CNTN4: variants seen among roughly 807,000 people sequenced by gnomAD.
CNTN4 encodes contactin 4, also known as contactin-4.
Under a neutral mutation model 122.5 loss-of-function variants are expected in CNTN4, and 77 were observed. The observed-to-expected ratio is 0.63, with a 90% CI of 0.52 to 0.76. The LOEUF (loss-of-function observed/expected upper bound fraction) is 0.76, where lower values mean the gene tolerates loss of function less well. Among genes scored for constraint, CNTN4 ranks in the 30% least tolerant of loss-of-function variants. The probability of loss-of-function intolerance (pLI) is 0.00; values close to 1 mark genes in which losing one functional copy is unlikely to be tolerated. For synonymous variants in CNTN4, 512 were observed against 447.0 expected (o/e 1.15, Z -1.83); for missense variants, 1,256 against 1,259.1 (o/e 1.00, Z 0.04).
intron 4 of CNTN4, among the ~76,000 whole-genome samples, chr3:2,704,902 C>G (rs73112600): frequency 0.047 from 7,210 of 152,164 alleles, 449 homozygotes; most frequent in African/African-American, 0.14. Flanking sequence ...ACCATCTCAA[C>G]TTACAGTCTA....
At chr3:2,598,693 A>T (rs986221866) in intron 4 of CNTN4, among the ~76,000 whole-genome samples, 4 of 152,216 alleles carry the variant, frequency 2.6e-5, no homozygotes, top group Non-Finnish European at 5.9e-5. Flanking sequence ...AGAAAGTAAA[A>T]GCAACAAAAT....
chr3:2,882,854 C>CT (rs988493065), intron 8 of CNTN4: 5 of 339,816 alleles, frequency 1.5e-5, no homozygotes, highest in Non-Finnish European at 2.8e-5. Flanking sequence ...TCCCCTTCTC[C>CT]TTTTTTTCCT....
chr3:2,845,248 A>G (rs778729619), intron 7 of CNTN4, among the ~76,000 whole-genome samples: 1 of 152,092 alleles, frequency 6.6e-6, no homozygotes, highest in Non-Finnish European at 1.5e-5. Flanking sequence ...TCTTGTCACA[A>G]CTCTTTTGTA....
chr3:2,921,327 A>T (rs2094428188), intron 12 of CNTN4, among the ~76,000 whole-genome samples: 1 of 152,206 alleles, frequency 6.6e-6, no homozygotes, highest in South Asian at 2.1e-4. Context: ...GTGAGCCAAC[A>T]CACCTGACCT....
rs1051410171 is a variant in CNTN4 at position 2,311,215 on chromosome 3, G to T, written c.-144-27963G>T. Among the ~76,000 whole-genome samples, 9 of 152,076 alleles carry T rather than the reference G, an allele frequency of 5.9e-5. 1 individual carries two copies. Among genetic ancestry groups the T allele is most frequent in the African/African-American group, 2.2e-4 (9 of 41,422 alleles). Reference sequence around the variant, plus strand: ...CTGTCCTGCCTAGCAGTAGTAGCAAGAATGAGTCATAGTCTCTTCAGAAAG... The same window carrying T: ...CTGTCCTGCCTAGCAGTAGTAGCAATAATGAGTCATAGTCTCTTCAGAAAG... On this transcript the variant is annotated intron_variant, in intron 2 of 24. Coordinates refer to ENST00000418658, the MANE Select transcript of CNTN4 (RefSeq NM_175607.3).
At chr3:2,165,134 C>T (rs1214058818) in intron 2 of CNTN4, among the ~76,000 whole-genome samples, 1 of 151,956 alleles carries the variant, frequency 6.6e-6, no homozygotes, top group South Asian at 2.1e-4. Flanking sequence ...ACCAGCCTGG[C>T]CAACATGGTG....
chr3:3,032,162 C>A (rs1699220927), intron 16 of CNTN4, among the ~76,000 whole-genome samples: 1 of 152,144 alleles, frequency 6.6e-6, no homozygotes, highest in Non-Finnish European at 1.5e-5. Context: ...AAAAAACTTT[C>A]AACCGAGGTA....
intron 3 of CNTN4, among the ~76,000 whole-genome samples, chr3:2,562,282 G>A (rs558664556): frequency 1.3e-5 from 2 of 152,112 alleles, no homozygotes; most frequent in South Asian, 2.1e-4. Context: ...TGTTACATAG[G>A]TATATTGTGT....
chr3:2,853,582 GA>G (rs1161669373), intron 7 of CNTN4, among the ~76,000 whole-genome samples: 1 of 152,004 alleles, frequency 6.6e-6, no homozygotes, highest in African/African-American at 2.4e-5. Flanking sequence ...TACCTGAATA[GA>G]ATATTTCTTC....
At chr3:2,964,118 A>G (rs1170742975) in intron 13 of CNTN4, among the ~76,000 whole-genome samples, 1 of 152,182 alleles carries the variant, frequency 6.6e-6, no homozygotes, top group Non-Finnish European at 1.5e-5. Flanking sequence ...ATTCATAGGG[A>G]CATTTATATT....
intron 3 of CNTN4, among the ~76,000 whole-genome samples, chr3:2,340,708 TATAGAG>T (rs1226826739): frequency 7.9e-5 from 2 of 25,362 alleles, no homozygotes; most frequent in African/African-American, 1.6e-4. Context: ...TATATATATA[TATAGAG>T]AGAGAGAGAG....
At chr3:2,662,429 C>G (rs994075173) in intron 4 of CNTN4, among the ~76,000 whole-genome samples, 43 of 152,190 alleles carry the variant, frequency 2.8e-4, no homozygotes, top group African/African-American at 1.0e-3. Context: ...CAACATCCAG[C>G]TGCTAAACAG....
intron 13 of CNTN4, among the ~76,000 whole-genome samples, chr3:2,932,965 G>A (rs888592621): frequency 6.6e-6 from 1 of 152,040 alleles, no homozygotes; most frequent in African/African-American, 2.4e-5. Context: ...TGGGACTACA[G>A]GCACCCACCA....
intron 6 of CNTN4, among the ~76,000 whole-genome samples, chr3:2,765,513 G>C (rs1419748828): frequency 1.3e-5 from 2 of 152,156 alleles, no homozygotes; most frequent in African/African-American, 4.8e-5. Context: ...GTTTTCCTGG[G>C]ATTAGACAGC....
intron 2 of CNTN4, among the ~76,000 whole-genome samples, chr3:2,134,735 G>C (rs1316638890): frequency 6.6e-6 from 1 of 152,164 alleles, no homozygotes; most frequent in Non-Finnish European, 1.5e-5. Flanking sequence ...GGGGAGCCCT[G>C]TGTTAGTCAG....
intron 12 of CNTN4, among the ~76,000 whole-genome samples, chr3:2,911,329 G>A (rs1043599108): frequency 1.3e-5 from 2 of 152,124 alleles, no homozygotes; most frequent in African/African-American, 2.4e-5. Context: ...AAGACACCAA[G>A]GGAAGCTCCT....
chr3:2,965,835 G>C (rs1692247989), intron 13 of CNTN4, among the ~76,000 whole-genome samples: 1 of 152,074 alleles, frequency 6.6e-6, no homozygotes, highest in Non-Finnish European at 1.5e-5. Context: ...GTCGTCCCCT[G>C]TATGTATCTA....
intron 3 of CNTN4, among the ~76,000 whole-genome samples, chr3:2,533,549 G>A (rs1193912939): frequency 6.6e-6 from 1 of 152,050 alleles, no homozygotes; most frequent in Non-Finnish European, 1.5e-5. Context: ...TGGACATTTG[G>A]GTTGGTTCCA....
chr3:2,822,791 C>T (rs1284391568), intron 7 of CNTN4, among the ~76,000 whole-genome samples: 2 of 152,172 alleles, frequency 1.3e-5, no homozygotes, highest in African/African-American at 4.8e-5. Context: ...CCATAGACAT[C>T]TACTGAAATG....
Sources: allele counts gnomAD v4.1 joint callset (sites outside exome capture counted in the v4.1 genomes callset), GRCh38; gene constraint gnomAD v4.1.1; transcripts MANE v1.5; gene names NCBI Gene and HGNC (gene_info 2026-07-23, HGNC 2026-07-21).